DAZL: variants seen among roughly 807,000 people sequenced by gnomAD.
The protein encoded by DAZL is deleted in azoospermia like, also known as deleted in azoospermia-like.
A neutral mutation model predicts 45.0 loss-of-function variants in DAZL; 4 were observed. The observed-to-expected ratio is 0.09, with a 90% CI of 0.04 to 0.20. The LOEUF is 0.20. DAZL is among the 10% of genes least tolerant of loss of function. The pLI is 1.00. For missense variants in DAZL, 326 were observed against 351.3 expected (o/e 0.93, Z 0.58); for synonymous variants, 122 against 112.4 (o/e 1.09, Z -0.54).
At chr3:16,600,707 C>T (rs751874078) in intron 1 of DAZL, among the ~76,000 whole-genome samples, 8 of 152,278 alleles carry the variant, frequency 5.3e-5, no homozygotes, top group Non-Finnish European at 1.2e-4. Context: ...TCAATTCCCC[C>T]TTGATTTGTG....
At chr3:16,593,850 G>A (rs1053882813) in intron 8 of DAZL, 82 bp from the exon 9 acceptor site, 37 of 848,616 alleles carry the variant, frequency 4.4e-5, no homozygotes, top group Non-Finnish European at 5.9e-5. Context: ...AAGCTAAGCT[G>A]GTATCAAAAG....
intron 9 of DAZL, among the ~76,000 whole-genome samples, chr3:16,592,611 T>G (rs1694538808): frequency 6.6e-6 from 1 of 151,758 alleles, no homozygotes; most frequent in Admixed American, 6.6e-5. Flanking sequence ...ATGTGATTCA[T>G]AATTCTTACC....
At chr3:16,597,574 C>G (rs1258337626) in intron 3 of DAZL, 33 bp from the exon 4 acceptor site, 8 of 1,334,750 alleles carry the variant, frequency 6.0e-6, no homozygotes, top group Non-Finnish European at 7.6e-6. Flanking sequence ...TATAAAATCA[C>G]CATCATACAG....
At chr3:16,602,625 C>T (rs953643666) in intron 1 of DAZL, among the ~76,000 whole-genome samples, 7 of 152,116 alleles carry the variant, frequency 4.6e-5, no homozygotes, top group African/African-American at 1.7e-4. Context: ...ATGCAAAATT[C>T]CAGCAGTATA....
intron 10 of DAZL, among the ~76,000 whole-genome samples, chr3:16,590,043 A>C (rs1694493559): frequency 6.6e-6 from 1 of 152,212 alleles, no homozygotes; most frequent in Admixed American, 6.5e-5. Context: ...ACTGCAATCC[A>C]GCCTAGGTGA....
chr3:16,602,834 G>A (rs932422211), intron 1 of DAZL, among the ~76,000 whole-genome samples: 10 of 152,032 alleles, frequency 6.6e-5, no homozygotes, highest in Admixed American at 6.6e-4. Context: ...TGAAATACTA[G>A]AGTCATCTCC....
Position 16,592,050 on chromosome 3 carries a change from C to T in DAZL, c.834G>A (p.Lys278=), listed in dbSNP as rs1694526660. 3 of 1,611,702 alleles carry T rather than the reference C, an allele frequency of 1.9e-6. No homozygotes were observed. The highest frequency in any genetic ancestry group is 3.3e-5 in the Admixed American group (2 of 59,956). Residue 278 remains lysine, a splice_region_variant and synonymous_variant, in exon 10 of 11, where the codon AAG becomes AAA. Coordinates refer to ENST00000399444, the MANE Select transcript of DAZL (RefSeq NM_001351.4). The part of the protein sequence containing the change: ...NSVVTQDDYF[K]DKRVHHFRRS... ...TTGTGCGTAACTGTTATATTCATAC[C>T]TTGAAGTAGTCATCTTGAGTAACAA... is the stretch of plus-strand genomic sequence containing the variant.
chr3:16,590,682 A>G (rs1694504138), intron 10 of DAZL, among the ~76,000 whole-genome samples: 2 of 152,210 alleles, frequency 1.3e-5, no homozygotes, highest in South Asian at 4.1e-4. Context: ...GCCACAAATA[A>G]AAAGAAATGA....
At position 16,588,431 on chromosome 3, in the gene DAZL, C is replaced by CGAA. The variant is rs1694470923; in HGVS notation, c.*228_*229insTTC. The CGAA allele has an allele frequency of 8.1e-6, 3 of 368,204 alleles. No homozygotes were observed. The highest frequency in any genetic ancestry group is 1.5e-5 in the Non-Finnish European group (3 of 195,934). The allele number at this position is 368,204 out of a possible 1,614,324, so 22.8% of individuals were successfully genotyped here. A position where few individuals can be genotyped will look rare whatever the true frequency, so the allele number is the denominator to read the frequency against. On this transcript the variant is annotated 3_prime_UTR_variant, in exon 11 of 11. Transcript: ENST00000399444. ...CTTGCAGATAAATCTTAGTTTCTTT[C>CGAA]AGTCTCAATTATTTTTTTACTTTCA...
chr3:16,588,597 G>A lies in DAZL; in HGVS notation c.*63C>T. The stretch of plus-strand genomic sequence containing the variant: ...AAAATTCAGAATTTCTATAATAGTG[G>A]AAACCTTTTAGCTTAATATTCAAAA... On this transcript the variant is annotated 3_prime_UTR_variant, in exon 11 of 11. Coordinates refer to ENST00000399444, the MANE Select transcript of DAZL (RefSeq NM_001351.4). 1 of 1,303,898 alleles carries A rather than the reference G, an allele frequency of 7.7e-7. No homozygotes were observed. The highest frequency in any genetic ancestry group is 1.1e-6 in the Non-Finnish European group (1 of 898,188). 80.8% of individuals were successfully genotyped at this position (1,303,898 alleles called of 1,614,324 possible). A position where few individuals can be genotyped will look rare whatever the true frequency, so the allele number is the denominator to read the frequency against.
In DAZL at chr3:16,597,064, C is replaced by G; in HGVS notation, c.295-13G>C. 6.2e-7 allele frequency: 1 copy of G among 1,609,942 alleles called. No homozygotes were observed. Among genetic ancestry groups the G allele is most frequent in the Non-Finnish European group, 8.5e-7 (1 of 1,178,072 alleles). On this transcript the variant is annotated splice_polypyrimidine_tract_variant and intron_variant, in intron 4 of 10. Transcript: ENST00000399444. ...AATTTATCTGTGACTGAAAATAAAA[C>G]AGTAACAAAACTAGAATCAATTTTC...
In DAZL at chr3:16,604,388, T is replaced by C. The variant is rs1694741056; in HGVS notation, c.3+815A>G. The C allele has an allele frequency of 4.2e-6, 6 of 1,437,666 alleles. No homozygotes were observed. In the South Asian group the frequency reaches 4.9e-5, roughly 12 times the overall value. The allele number at this position is 1,437,666 out of a possible 1,614,324, so 89.1% of individuals were successfully genotyped here. A position where few individuals can be genotyped will look rare whatever the true frequency, so the allele number is the denominator to read the frequency against. On this transcript the variant is annotated intron_variant, in intron 1 of 10. Coordinates refer to ENST00000399444, the MANE Select transcript of DAZL (RefSeq NM_001351.4). The stretch of plus-strand genomic sequence containing the variant: ...TGGTTTATCGAGAGGGAAAAAACCG[T>C]ACCCAGAATTTAAAAATTCTAAAAT...
chr3:16,604,555 C>T, intron 1 of DAZL: 2 of 1,442,678 alleles, frequency 1.4e-6, no homozygotes, highest in Non-Finnish European at 1.8e-6. Flanking sequence ...CACTTCCGGC[C>T]CAGCCCCCTC....
intron 10 of DAZL, 151 bp downstream of exon 10, chr3:16,591,898 TA>T: frequency 1.2e-6 from 1 of 862,646 alleles, no homozygotes; most frequent in Non-Finnish European, 1.8e-6. Flanking sequence ...TACTGCCAGG[TA>T]AAACCCACTC....
chr3:16,593,768 C>G lies in DAZL; in HGVS notation c.622G>C (p.Ala208Pro). ...GEQRSYVVPP[A>P]YSAVNYHCNE... is the part of the protein sequence containing the mutation. ...CAGTGGTAGTTAACAGCTGAATAAGCCTATATTTAAAATAATGAAAGTGTA... is the reference window on the plus strand; with the variant it reads ...CAGTGGTAGTTAACAGCTGAATAAGGCTATATTTAAAATAATGAAAGTGTA... Residue 208 changes from alanine (A) to proline (P), a missense_variant and splice_region_variant, in exon 9 of 11, where the codon GCT (alanine) becomes CCT (proline). Around this residue, in one of 3 missense-constraint regions of DAZL, gnomAD observed 227 missense variants for 216.6 expected, o/e 1.05. Coordinates refer to ENST00000399444, the MANE Select transcript of DAZL (RefSeq NM_001351.4). The G allele has an allele frequency of 6.3e-7, 1 of 1,587,400 alleles. No individual in the cohort carries two copies.
intron 10 of DAZL, among the ~76,000 whole-genome samples, chr3:16,591,692 C>A (rs112525771): frequency 0.022 from 3,301 of 152,276 alleles, 104 homozygotes; most frequent in African/African-American, 0.069. Flanking sequence ...TCTCAGCCCC[C>A]AAAAGTGCTG....
chr3:16,594,605 A>C, intron 7 of DAZL, 22 bp from the exon 8 acceptor site: 5 of 1,543,182 alleles, frequency 3.2e-6, no homozygotes, highest in Non-Finnish European at 4.4e-6. Context: ...AAAAAAGGAA[A>C]CCAAAATTAT....
Position 16,603,284 on chromosome 3 carries a change from A to G in DAZL, c.3+1919T>C, listed in dbSNP as rs540286261. ...GCTTTCACCCAGCAATTCCACTTAC[A>G]GCAATTCATCTCAAGGAATTAATAA... On this transcript the variant is annotated intron_variant, in intron 1 of 10. Transcript: ENST00000399444. Among the ~76,000 whole-genome samples the G allele has an allele frequency of 1.2e-4, 18 of 152,332 alleles. No individual in the cohort carries two copies. The East Asian group carries it at 3.1e-3, about 26-fold the overall frequency.
At chr3:16,592,234 T>C in intron 9 of DAZL, 86 bp from the exon 10 acceptor site, 1 of 1,541,308 alleles carries the variant, frequency 6.5e-7, no homozygotes, top group Non-Finnish European at 8.9e-7. Context: ...TTAATGAATA[T>C]ATTACTTTAT....
Sources: gnomAD v4.1 joint callset for allele counts (sites outside exome capture counted in the v4.1 genomes callset) on GRCh38, gnomAD v4.1.1 for gene constraint, gnomAD v4.1.1 regional missense constraint, MANE v1.5 for transcripts, NCBI Gene and HGNC (gene_info 2026-07-23, HGNC 2026-07-21) for gene names.